DEPTOR: variants seen among roughly 807,000 people sequenced by gnomAD.
DEPTOR encodes DEP domain containing MTOR interacting protein, also known as DEP domain-containing mTOR-interacting protein.
Under a neutral mutation model 41.6 loss-of-function variants are expected in DEPTOR, and 41 were observed. That is an observed-to-expected ratio of 0.98 (90% CI 0.77 to 1.28). The LOEUF is 1.28. Ranked by LOEUF, DEPTOR falls within the 50% of genes most tolerant of loss-of-function variation. The probability of loss-of-function intolerance (pLI) is 0.00; values close to 1 mark genes in which losing one functional copy is unlikely to be tolerated. For missense variants in DEPTOR, 514 were observed against 527.9 expected (o/e 0.97, Z 0.26); for synonymous variants, 195 against 192.3 (o/e 1.01, Z -0.12).
chr8:119,878,819 TGCA>T (rs1827260833), intron 1 of DEPTOR, among the ~76,000 whole-genome samples: 1 of 152,038 alleles, frequency 6.6e-6, no homozygotes, highest in African/African-American at 2.4e-5. Context: ...ATCTTAAAGA[TGCA>T]TTTGGGGCCA....
chr8:119,966,428 A>C (rs1828562497), intron 4 of DEPTOR, among the ~76,000 whole-genome samples: 1 of 152,252 alleles, frequency 6.6e-6, no homozygotes, highest in African/African-American at 2.4e-5. Flanking sequence ...AAGGGCCAAG[A>C]GAACACTTTC....
At chr8:119,918,885 C>T (rs181221616) in intron 1 of DEPTOR, among the ~76,000 whole-genome samples, 9 of 152,038 alleles carry the variant, frequency 5.9e-5, no homozygotes, top group African/African-American at 2.2e-4. Context: ...TGAGCCACCG[C>T]GCCTGGCCAT....
Position 119,929,939 on chromosome 8 carries a change from G to T in DEPTOR, c.425+1G>T. ...TGAGAGGACAGAGGCTATATGAAAA[G>T]TATGTTCCGCATGAAATCCCCCCTG... On this transcript the variant is annotated splice_donor_variant, in intron 3 of 8. Transcript: ENST00000286234. LOFTEE classifies it high-confidence loss of function. 6.2e-7 allele frequency: 1 copy of T among 1,609,414 alleles called. No individual in the cohort carries two copies. The highest frequency in any genetic ancestry group is 8.5e-7 in the Non-Finnish European group (1 of 1,176,706).
intron 4 of DEPTOR, among the ~76,000 whole-genome samples, chr8:119,979,247 A>G (rs1828733366): frequency 6.6e-6 from 1 of 152,174 alleles, no homozygotes; most frequent in Admixed American, 6.6e-5. Context: ...TTTTAAAATC[A>G]ACATTTTAAA....
intron 3 of DEPTOR, among the ~76,000 whole-genome samples, chr8:119,959,129 G>C (rs1393137797): frequency 6.9e-6 from 1 of 144,968 alleles, no homozygotes; most frequent in Admixed American, 6.9e-5. Context: ...CCTGTTGCCT[G>C]TTGGCTATTT....
intron 1 of DEPTOR, among the ~76,000 whole-genome samples, chr8:119,918,496 T>C (rs1238680902): frequency 1.3e-5 from 2 of 152,128 alleles, no homozygotes; most frequent in African/African-American, 4.8e-5. Context: ...ATTTCACTCT[T>C]GTTGCCCAGG....
chr8:119,923,893 C>CTTTTCTTTTTT (rs1554673843), intron 1 of DEPTOR, among the ~76,000 whole-genome samples: 51 of 104,992 alleles, frequency 4.9e-4, no homozygotes, highest in African/African-American at 1.5e-3. Context: ...TTTTTTCTTT[C>CTTTTCTTTTTT]TTTTTTTTTT....
intron 8 of DEPTOR, among the ~76,000 whole-genome samples, chr8:120,038,292 A>G (rs1428456772): frequency 3.3e-5 from 5 of 149,764 alleles, no homozygotes; most frequent in Non-Finnish European, 7.4e-5. Flanking sequence ...AAGAAGAAGA[A>G]GAAAGTAAAA....
intron 8 of DEPTOR, among the ~76,000 whole-genome samples, chr8:120,025,129 C>G (rs928889671): frequency 6.6e-6 from 1 of 152,200 alleles, no homozygotes; most frequent in African/African-American, 2.4e-5. Context: ...TATTTAATTA[C>G]AAGCTACGTT....
intron 4 of DEPTOR, among the ~76,000 whole-genome samples, chr8:119,983,834 T>A (rs1482210163): frequency 1.3e-5 from 2 of 152,216 alleles, no homozygotes; most frequent in African/African-American, 2.4e-5. Context: ...AAAGACTATG[T>A]CTTGCCACTG....
rs747255387 is a variant in DEPTOR at position 120,009,042 on chromosome 8, C to T, written c.1010C>T (p.Ala337Val). The change falls in exon 8 of 9, where the codon GCG (alanine) becomes GTG (valine). Residue 337 changes from alanine to valine, a missense_variant. Transcript: ENST00000286234. ...ARKTFTIVGD[A>V]VGWGFVVRGS... is the part of the protein sequence containing the mutation. ...TTTCCTCTCTAGATTGTTGGTGACG[C>T]GGTTGGCTGGGGTTTTGTGGTGCGA... 49 of 1,613,894 alleles carry T rather than the reference C, an allele frequency of 3.0e-5. 1 individual carries two copies. The East Asian group carries it at 7.4e-4, about 24-fold the overall frequency.
Position 120,049,636 on chromosome 8 carries a change from G to T in DEPTOR, c.1162G>T (p.Val388Leu). The T allele has an allele frequency of 6.2e-7, 1 of 1,614,000 alleles. No homozygotes were observed. The highest frequency in any genetic ancestry group is 2.2e-5 in the East Asian group (1 of 44,888). The change falls in exon 9 of 9, where the codon GTG becomes TTG. Residue 388 changes from valine to leucine, a missense_variant. Coordinates refer to ENST00000286234, the MANE Select transcript of DEPTOR (RefSeq NM_022783.4). ...LNVLHVDYRT[V>L]SNLILTGPRT... Reference sequence around the variant, plus strand: ...TGTCCTGCATGTAGACTACCGGACCGTGAGCAATCTGATTCTGACGGGCCC... The same window carrying T: ...TGTCCTGCATGTAGACTACCGGACCTTGAGCAATCTGATTCTGACGGGCCC...
intron 3 of DEPTOR, among the ~76,000 whole-genome samples, chr8:119,957,614 A>G (rs1462669011): frequency 1.4e-5 from 2 of 141,196 alleles, no homozygotes; most frequent in Admixed American, 7.4e-5. Flanking sequence ...TTTCAGACAG[A>G]GTCTTGCTCT....
At chr8:119,959,312 A>G (rs62528694) in intron 3 of DEPTOR, among the ~76,000 whole-genome samples, 1,968 of 150,974 alleles carry the variant, frequency 0.013, 15 homozygotes, top group Non-Finnish European at 0.02. Context: ...ACAGGCGCCC[A>G]CCACCACGCC....
intron 8 of DEPTOR, among the ~76,000 whole-genome samples, chr8:120,047,316 C>T (rs1445574359): frequency 6.6e-6 from 1 of 151,672 alleles, no homozygotes; most frequent in Non-Finnish European, 1.5e-5. Context: ...GCCACTGCAC[C>T]CAGCCCAGAG....
At chr8:120,031,906 T>C (rs968581804) in intron 8 of DEPTOR, among the ~76,000 whole-genome samples, 2 of 151,970 alleles carry the variant, frequency 1.3e-5, no homozygotes, top group Non-Finnish European at 2.9e-5. Flanking sequence ...GAGGGATGAG[T>C]CCTTTTTTAC....
intron 3 of DEPTOR, among the ~76,000 whole-genome samples, chr8:119,935,133 T>G (rs993410102): frequency 6.6e-6 from 1 of 152,150 alleles, no homozygotes; most frequent in Non-Finnish European, 1.5e-5. Context: ...GGCCAGCAAA[T>G]GGACTGAGGG....
chr8:119,948,016 GA>G (rs543288133), intron 3 of DEPTOR, among the ~76,000 whole-genome samples: 318 of 152,104 alleles, frequency 2.1e-3, no homozygotes, highest in Non-Finnish European at 3.6e-3. Flanking sequence ...TCACCATCTC[GA>G]AGGACCAACT....
At chr8:119,952,919 T>C (rs1365307471) in intron 3 of DEPTOR, among the ~76,000 whole-genome samples, 1 of 152,208 alleles carries the variant, frequency 6.6e-6, no homozygotes, top group Non-Finnish European at 1.5e-5. Context: ...TCTTCCCTTG[T>C]TCCTCACCTT....
Sources: allele counts gnomAD v4.1 joint callset (sites outside exome capture counted in the v4.1 genomes callset), GRCh38; gene constraint gnomAD v4.1.1; transcripts MANE v1.5; gene names NCBI Gene and HGNC (gene_info 2026-07-23, HGNC 2026-07-21).